AGAP1: variants seen among roughly 807,000 people sequenced by gnomAD.
AGAP1 encodes the protein ArfGAP with GTPase domain, ankyrin repeat and PH domain 1.
AGAP1 carries 29 observed loss-of-function variants against 105.3 expected under a neutral mutation model. The observed-to-expected ratio is 0.28, with a 90% CI of 0.21 to 0.38. The LOEUF (loss-of-function observed/expected upper bound fraction) is 0.38, where lower values mean the gene tolerates loss of function less well. AGAP1 is among the 10% of genes least tolerant of loss of function. AGAP1 has a pLI of 1.00. For synonymous variants in AGAP1, 509 were observed against 485.9 expected, an observed-to-expected ratio of 1.05 and a Z score of -0.63; for missense variants, 998 against 1,165.1, an observed-to-expected ratio of 0.86 and a Z score of 2.09.
rs1316411194 is a variant in AGAP1, at chr2:235,557,927, TG to T, written c.163+63079del. ...GCCCTGCGCCATGTGAGTGAGGTTT[TG>T]TGGTCCTGGACAGGTGAGCTCCCCT... On this transcript the variant is annotated intron_variant, in intron 1 of 17. Transcript: ENST00000304032. This position sits in a 1 kb window ranked among gnomAD's most constrained non-coding sequence, Gnocchi z 4.7. Among the ~76,000 whole-genome samples the T allele has an allele frequency of 6.6e-6, 1 of 152,234 alleles. No individual in the cohort carries two copies. Among genetic ancestry groups the T allele is most frequent in the African/African-American group, 2.4e-5 (1 of 41,466 alleles).
chr2:235,538,901 ATT>A, intron 1 of AGAP1, among the ~76,000 whole-genome samples: 1 of 142,382 alleles, frequency 7.0e-6, no homozygotes, highest in Non-Finnish European at 1.5e-5. Flanking sequence ...TGAACCTGTT[ATT>A]ACTTTCTTAT....
At position 235,622,407 on chromosome 2, in the gene AGAP1, A is replaced by G. The variant is rs996988772; in HGVS notation, c.164-86772A>G. On this transcript the variant is annotated intron_variant, in intron 1 of 17. Transcript: ENST00000304032. This position sits in a 1 kb window ranked among gnomAD's most constrained non-coding sequence, Gnocchi z 5.0. ...CTTCACGGCCACGCTGCTCTCCTGC[A>G]TGTCCGCCCATCTCACTGGGGTGAT... Among the ~76,000 whole-genome samples, 1 of 152,178 alleles carries G rather than the reference A, an allele frequency of 6.6e-6. No homozygotes were observed. Among genetic ancestry groups the G allele is most frequent in the Admixed American group, 6.5e-5 (1 of 15,268 alleles).
rs1952065298 is a variant in AGAP1 at position 235,733,457 on chromosome 2, G to T, written c.311-7506G>T. Reference sequence around the variant, plus strand: ...TTGTTCCTTAGAGCCTGCGTTTTTTGAGGTTTATTATGTAAAGCCGTGCCC... The same window carrying T: ...TTGTTCCTTAGAGCCTGCGTTTTTTTAGGTTTATTATGTAAAGCCGTGCCC... On this transcript the variant is annotated intron_variant, in intron 3 of 17. Coordinates refer to ENST00000304032, the MANE Select transcript of AGAP1 (RefSeq NM_001037131.3). This position sits in a 1 kb window ranked among gnomAD's most constrained non-coding sequence, Gnocchi z 5.0. Among the ~76,000 whole-genome samples, 1 of 152,154 alleles carries T rather than the reference G, an allele frequency of 6.6e-6. No individual in the cohort carries two copies. Among genetic ancestry groups the T allele is most frequent in the Non-Finnish European group, 1.5e-5 (1 of 68,024 alleles).
At chr2:235,513,359 A>G (rs1942233815) in intron 1 of AGAP1, among the ~76,000 whole-genome samples, 3 of 151,978 alleles carry the variant, frequency 2.0e-5, no homozygotes, top group Non-Finnish European at 2.9e-5. Flanking sequence ...CGTCTCTACT[A>G]AAAATACAAA....
rs564584306 is a variant in AGAP1, at chr2:236,101,774, C to T, written c.2115-18418C>T. Among the ~76,000 whole-genome samples the T allele has an allele frequency of 3.9e-5, 6 of 152,338 alleles. No homozygotes were observed. The East Asian group carries it at 5.8e-4, about 15-fold the overall frequency. On this transcript the variant is annotated intron_variant, in intron 16 of 17. Transcript: ENST00000304032. The surrounding 1 kb of genome is among the most constrained non-coding windows in gnomAD (Gnocchi z 4.9). ...GCCGTGGGCTTCATGCCACGTTACG[C>T]GGAGTCTAGGACGGCCTCACCCCGC...
chr2:235,653,913 G>A (rs1348418264), intron 1 of AGAP1, among the ~76,000 whole-genome samples: 1 of 152,110 alleles, frequency 6.6e-6, no homozygotes, highest in Non-Finnish European at 1.5e-5. Context: ...AAAATTAGCC[G>A]GGAGTGGTGG....
rs1559434003 is a variant in AGAP1, at chr2:235,750,385, CGAT to C, written c.573_575del (p.Asp192del). On this transcript the variant is annotated inframe_deletion, in exon 6 of 18. Coordinates refer to ENST00000304032, the MANE Select transcript of AGAP1 (RefSeq NM_001037131.3). The surrounding 1 kb of genome is among the most constrained non-coding windows in gnomAD (Gnocchi z 5.3). Reference sequence around the variant, plus strand: ...TAAGTTCTGCTAACCCGAGGGTCATCGATGACGCCAGGGCGAGGAAGCTCTCCA... The same window carrying C: ...TAAGTTCTGCTAACCCGAGGGTCATCGACGCCAGGGCGAGGAAGCTCTCCA... 6.2e-7 allele frequency: 1 copy of C among 1,614,176 alleles called. No individual in the cohort carries two copies. The highest frequency in any genetic ancestry group is 2.2e-5 in the East Asian group (1 of 44,868).
intron 9 of AGAP1, among the ~76,000 whole-genome samples, chr2:235,822,223 A>G (rs771520426): frequency 4.6e-5 from 7 of 152,244 alleles, no homozygotes; most frequent in East Asian, 1.9e-4. Context: ...AATGAAAACT[A>G]TTTTCTTCTG....
At chr2:235,641,648 A>G (rs1204001734) in intron 1 of AGAP1, among the ~76,000 whole-genome samples, 1 of 152,140 alleles carries the variant, frequency 6.6e-6, no homozygotes, top group Non-Finnish European at 1.5e-5. Flanking sequence ...TCCCCCCCAC[A>G]TACGTTCAGT....
In AGAP1 at chr2:235,701,518, G is replaced by A. The variant is rs1950261268; in HGVS notation, c.164-7661G>A. ...AGGATGGGAAACTGTCTTGTCTGTG[G>A]ATCTTTGAGGCTGCTGAAAAGGATC... On this transcript the variant is annotated intron_variant, in intron 1 of 17. Coordinates refer to ENST00000304032, the MANE Select transcript of AGAP1 (RefSeq NM_001037131.3). This position sits in a 1 kb window ranked among gnomAD's most constrained non-coding sequence, Gnocchi z 4.1. 6.6e-6 allele frequency among the ~76,000 whole-genome samples: 1 copy of A among 152,168 alleles called. No individual in the cohort carries two copies. Among genetic ancestry groups the A allele is most frequent in the African/African-American group, 2.4e-5 (1 of 41,436 alleles).
intron 6 of AGAP1, among the ~76,000 whole-genome samples, chr2:235,794,455 G>T (rs906145678): frequency 6.6e-6 from 1 of 152,100 alleles, no homozygotes; most frequent in Non-Finnish European, 1.5e-5. Flanking sequence ...CAGTGACAAA[G>T]CTTCCAGATT....
chr2:235,868,560 G>C (rs2049292123), intron 9 of AGAP1, among the ~76,000 whole-genome samples: 1 of 152,184 alleles, frequency 6.6e-6, no homozygotes, highest in African/African-American at 2.4e-5. Context: ...GATGATCCCT[G>C]TGCGAGCAGA....
At chr2:236,084,776 C>T (rs765064938) in intron 16 of AGAP1, among the ~76,000 whole-genome samples, 6 of 151,880 alleles carry the variant, frequency 4.0e-5, no homozygotes, top group Admixed American at 6.6e-5. Flanking sequence ...TGGTGGTGGG[C>T]GCCTGTAGTC....
intron 10 of AGAP1, among the ~76,000 whole-genome samples, chr2:235,902,460 C>A (rs2051111773): frequency 6.6e-6 from 1 of 152,150 alleles, no homozygotes. Flanking sequence ...CATGTGATGT[C>A]ATACCCCGGT....
chr2:235,756,422 T>G (rs368765139), intron 6 of AGAP1, among the ~76,000 whole-genome samples: 4 of 152,330 alleles, frequency 2.6e-5, no homozygotes, highest in African/African-American at 9.6e-5. Context: ...AGGCCCCTGA[T>G]TCCTAAAGAA....
intron 1 of AGAP1, among the ~76,000 whole-genome samples, chr2:235,697,516 C>T (rs1288703713): frequency 1.3e-5 from 2 of 152,114 alleles, no homozygotes; most frequent in Non-Finnish European, 2.9e-5. Context: ...TGTCTGTCAC[C>T]CCTGTGCCTG....
chr2:236,120,363 G>A lies in AGAP1; in HGVS notation c.2286G>A (p.Glu762=). The part of the protein sequence containing the change: ...LAHGSRDEVN[E]TCGEGDGRTA... ...ACGGCTCCCGGGACGAGGTGAACGA[G>A]ACCTGCGGGGAGGGAGACGGCCGCA... The change falls in exon 17 of 18, where the codon GAG becomes GAA. Residue 762 remains glutamate, a synonymous_variant. Transcript: ENST00000304032. The surrounding 1 kb of genome is among the most constrained non-coding windows in gnomAD (Gnocchi z 6.0). 1.2e-6 allele frequency: 2 copies of A among 1,611,834 alleles called. No individual in the cohort carries two copies. The highest frequency in any genetic ancestry group is 1.7e-6 in the Non-Finnish European group (2 of 1,179,762).
chr2:235,953,749 G>A lies in AGAP1; in HGVS notation c.1484-14713G>A, dbSNP rs905820153. On this transcript the variant is annotated intron_variant, in intron 12 of 17. Coordinates refer to ENST00000304032, the MANE Select transcript of AGAP1 (RefSeq NM_001037131.3). The surrounding 1 kb of genome is among the most constrained non-coding windows in gnomAD (Gnocchi z 5.2). Reference sequence around the variant, plus strand: ...GTTTGAGACCAGCCTGGGAGGTATAGTGAGACCCCATCTCTACAAAGAAAT... The same window carrying A: ...GTTTGAGACCAGCCTGGGAGGTATAATGAGACCCCATCTCTACAAAGAAAT... 3.9e-5 allele frequency among the ~76,000 whole-genome samples: 6 copies of A among 152,124 alleles called. No individual in the cohort carries two copies. Among genetic ancestry groups the A allele is most frequent in the Non-Finnish European group, 8.8e-5 (6 of 68,030 alleles).
chr2:236,124,063 C>T lies in AGAP1; in HGVS notation c.2515C>T (p.Leu839=). 1 of 1,614,124 alleles carries T rather than the reference C, an allele frequency of 6.2e-7. No individual in the cohort carries two copies. Among genetic ancestry groups the T allele is most frequent in the Non-Finnish European group, 8.5e-7 (1 of 1,179,982 alleles). Residue 839 remains leucine (L), a synonymous_variant, in exon 18 of 18, where the codon CTG becomes TTG. Coordinates refer to ENST00000304032, the MANE Select transcript of AGAP1 (RefSeq NM_001037131.3). This position sits in a 1 kb window ranked among gnomAD's most constrained non-coding sequence, Gnocchi z 5.1. ...ERFVLMATPN[L]SRRNNNRNNS... is the part of the protein sequence containing the mutation. ...CTTCGTGCTCATGGCCACCCCTAAC[C>T]TGTCCAGGAGAAACAATAACCGGAA... is the stretch of plus-strand genomic sequence containing the variant.
Sources: allele counts gnomAD v4.1 joint callset (sites outside exome capture counted in the v4.1 genomes callset), GRCh38; gene constraint gnomAD v4.1.1; non-coding constraint Gnocchi (gnomAD v3.1); transcripts MANE v1.5; gene names NCBI Gene and HGNC (gene_info 2026-07-23, HGNC 2026-07-21).